Variants in C1QTNF3 observed in about 807,000 individuals in gnomAD.
C1QTNF3 encodes C1q and TNF related 3.
In C1QTNF3, 26 loss-of-function variants were observed where a neutral mutation model predicts 32.6. The observed-to-expected ratio is 0.80, with a 90% CI of 0.58 to 1.11. The LOEUF (loss-of-function observed/expected upper bound fraction) is 1.11, where lower values mean the gene tolerates loss of function less well. Ranked by LOEUF, C1QTNF3 falls within the 50% of genes least tolerant of loss-of-function variation. The pLI, the probability that C1QTNF3 is intolerant of heterozygous loss-of-function variation, is 0.00. For missense variants in C1QTNF3, 362 were observed against 398.2 expected (o/e 0.91, Z 0.77); for synonymous variants, 155 against 146.0 (o/e 1.06, Z -0.44).
At chr5:34,057,043 C>T in the C1QTNF3 span, among the ~76,000 whole-genome samples, 1 of 152,162 alleles carries the variant, frequency 6.6e-6, no homozygotes, top group Non-Finnish European at 1.5e-5. Context: ...TAATAATGTT[C>T]AGGAATCTGT....
At chr5:34,121,424 G>A in the C1QTNF3 span, among the ~76,000 whole-genome samples, 1 of 152,100 alleles carries the variant, frequency 6.6e-6, no homozygotes, top group South Asian at 2.1e-4. Flanking sequence ...GGCAGGATAT[G>A]AAAGGCACTT....
At chr5:34,123,739 A>C in the C1QTNF3 span, among the ~76,000 whole-genome samples, 1 of 152,072 alleles carries the variant, frequency 6.6e-6, no homozygotes, top group Non-Finnish European at 1.5e-5. Flanking sequence ...TAATTGATAA[A>C]TGCTGCAATT....
chr5:34,161,053 C>T, the C1QTNF3 span, among the ~76,000 whole-genome samples: 1 of 152,114 alleles, frequency 6.6e-6, no homozygotes, highest in African/African-American at 2.4e-5. Context: ...TCAGACAAGG[C>T]CAATTCTCTG....
At chr5:34,065,977 C>T in the C1QTNF3 span, among the ~76,000 whole-genome samples, 1 of 152,128 alleles carries the variant, frequency 6.6e-6, no homozygotes, top group African/African-American at 2.4e-5. Flanking sequence ...GATACATATA[C>T]ACCATGGAAT....
the C1QTNF3 span, among the ~76,000 whole-genome samples, chr5:34,240,155 A>T: frequency 6.6e-6 from 1 of 151,378 alleles, no homozygotes; most frequent in Non-Finnish European, 1.5e-5. Flanking sequence ...AGGAACGTTT[A>T]AATGCCTTTA....
the C1QTNF3 span, among the ~76,000 whole-genome samples, chr5:34,102,357 T>TAATAATATTAGTATTATTTATTATTA: frequency 1.3e-5 from 2 of 152,022 alleles, no homozygotes; most frequent in African/African-American, 4.8e-5. Flanking sequence ...GAATTTTATT[T>TAATAATATTAGTATTATTTATTATTA]TCACTTAGCA....
the C1QTNF3 span, among the ~76,000 whole-genome samples, chr5:34,212,055 G>C: frequency 8.0e-3 from 1,221 of 152,086 alleles, 9 homozygotes; most frequent in Middle Eastern, 0.031. Context: ...CCAAAACAGA[G>C]ATATAGATCA....
the C1QTNF3 span, among the ~76,000 whole-genome samples, chr5:34,051,921 C>G: frequency 6.6e-6 from 1 of 152,218 alleles, no homozygotes; most frequent in Admixed American, 6.5e-5. Context: ...GCTATGATGG[C>G]AGAGTCTCTG....
At chr5:34,135,241 C>T in the C1QTNF3 span, among the ~76,000 whole-genome samples, 1 of 152,170 alleles carries the variant, frequency 6.6e-6, no homozygotes, top group Non-Finnish European at 1.5e-5. Flanking sequence ...GTATGTTGAA[C>T]CAGCCTTGCA....
the C1QTNF3 span, among the ~76,000 whole-genome samples, chr5:34,238,895 AG>A: frequency 6.6e-6 from 1 of 152,182 alleles, no homozygotes; most frequent in South Asian, 2.1e-4. Context: ...CTAGAGAGAA[AG>A]GTCATGTTTT....
chr5:34,085,680 A>G, the C1QTNF3 span, among the ~76,000 whole-genome samples: 1 of 151,802 alleles, frequency 6.6e-6, no homozygotes, highest in Middle Eastern at 3.2e-3. Context: ...AAACAAACAT[A>G]TGAAAAAAAG....
the C1QTNF3 span, among the ~76,000 whole-genome samples, chr5:34,084,337 T>G: frequency 6.6e-6 from 1 of 151,794 alleles, no homozygotes; most frequent in Non-Finnish European, 1.5e-5. Context: ...TAGGAAAGTT[T>G]GTATATTGAG....
chr5:34,171,769 T>C, the C1QTNF3 span, among the ~76,000 whole-genome samples: 2 of 152,168 alleles, frequency 1.3e-5, no homozygotes, highest in East Asian at 1.9e-4. Flanking sequence ...ATTATTTGTA[T>C]AGTATGAGAA....
the C1QTNF3 span, among the ~76,000 whole-genome samples, chr5:34,124,858 C>G: frequency 6.6e-6 from 1 of 152,136 alleles, no homozygotes; most frequent in African/African-American, 2.4e-5. Flanking sequence ...TGATTCTCCA[C>G]TAAATTGTTA....
chr5:34,183,327 C>CTTTTTTT, the C1QTNF3 span, among the ~76,000 whole-genome samples: 2 of 140,260 alleles, frequency 1.4e-5, no homozygotes, highest in African/African-American at 5.8e-5. Context: ...TTTTAATTTT[C>CTTTTTTT]TTTTTTTTTT....
chr5:34,066,606 T>A, the C1QTNF3 span, among the ~76,000 whole-genome samples: 1 of 151,982 alleles, frequency 6.6e-6, no homozygotes, highest in Non-Finnish European at 1.5e-5. Context: ...TGTGTGATAA[T>A]GACGGCGAAA....
At chr5:34,070,105 C>T in the C1QTNF3 span, among the ~76,000 whole-genome samples, 1 of 152,182 alleles carries the variant, frequency 6.6e-6, no homozygotes, top group African/African-American at 2.4e-5. Flanking sequence ...ATTGGATACA[C>T]AGCTAGCCTA....
chr5:34,091,906 C>G, the C1QTNF3 span, among the ~76,000 whole-genome samples: 1 of 149,320 alleles, frequency 6.7e-6, no homozygotes, highest in Non-Finnish European at 1.5e-5. Flanking sequence ...GACAATTCAT[C>G]TCTCAGACCA....
the C1QTNF3 span, among the ~76,000 whole-genome samples, chr5:34,237,306 T>C: frequency 6.6e-6 from 1 of 152,370 alleles, no homozygotes; most frequent in Admixed American, 6.5e-5. Context: ...CACTTATTTT[T>C]ATAAAGCTAT....
Sources: allele counts gnomAD v4.1 joint callset (sites outside exome capture counted in the v4.1 genomes callset), GRCh38; gene constraint gnomAD v4.1.1; transcripts MANE v1.5; gene names NCBI Gene and HGNC (gene_info 2026-07-23, HGNC 2026-07-21).